CDH20: variants seen among roughly 807,000 people sequenced by gnomAD.
The protein encoded by CDH20 is cadherin 20.
A neutral mutation model predicts 74.2 loss-of-function variants in CDH20; 29 were observed. The ratio of observed to expected loss-of-function variants is 0.39; its 90% CI spans 0.29 to 0.53. CDH20 has a LOEUF of 0.53. CDH20 is among the 20% of genes least tolerant of loss of function. The pLI is 0.69. For missense variants in CDH20, 988 were observed against 1,048.3 expected, an observed-to-expected ratio of 0.94 and a Z score of 0.79; for synonymous variants, 469 against 405.4, an observed-to-expected ratio of 1.16 and a Z score of -1.88.
At chr18:61,381,674 T>C (rs1911436977) in intron 1 of CDH20, among the ~76,000 whole-genome samples, 1 of 152,204 alleles carries the variant, frequency 6.6e-6, no homozygotes, top group African/African-American at 2.4e-5. Context: ...ATGTCTGATA[T>C]ACAAGACAAT....
intron 1 of CDH20, among the ~76,000 whole-genome samples, chr18:61,361,738 T>A (rs1337851453): frequency 2.6e-5 from 4 of 152,212 alleles, no homozygotes; most frequent in African/African-American, 7.2e-5. Flanking sequence ...AAACTGTGGC[T>A]TATTTAAAAT....
At chr18:61,359,952 T>A (rs1205889842) in intron 1 of CDH20, among the ~76,000 whole-genome samples, 1 of 152,170 alleles carries the variant, frequency 6.6e-6, no homozygotes, top group Non-Finnish European at 1.5e-5. Flanking sequence ...ACTCTTCCAG[T>A]CAATTACAGA....
chr18:61,428,899 C>T (rs933459623), intron 1 of CDH20, among the ~76,000 whole-genome samples: 15 of 152,252 alleles, frequency 9.9e-5, no homozygotes, highest in African/African-American at 2.9e-4. Flanking sequence ...GCTAGAACAC[C>T]TATTCAAGAA....
At position 61,517,707 on chromosome 18, in the gene CDH20, G is replaced by GTTGTTGTT. The variant is rs770036463; in HGVS notation, c.1017+10152_1017+10153insGTTTTGTT. ...AGCTGCAGTTTTTTTTGTTGTTGTT[G>GTTGTTGTT]TTGTTTTGTTTTGTTTTGTTTTGTT... On this transcript the variant is annotated intron_variant, in intron 6 of 11. Coordinates refer to ENST00000262717, the MANE Select transcript of CDH20 (RefSeq NM_031891.4). Among the ~76,000 whole-genome samples, 753 of 151,752 alleles carry GTTGTTGTT rather than the reference G, an allele frequency of 5.0e-3. 4 individuals are homozygous for GTTGTTGTT. The highest frequency in any genetic ancestry group is 6.8e-3 in the Middle Eastern group (2 of 294).
intron 1 of CDH20, among the ~76,000 whole-genome samples, chr18:61,420,129 A>G (rs1912825140): frequency 6.6e-6 from 1 of 152,208 alleles, no homozygotes; most frequent in Non-Finnish European, 1.5e-5. Flanking sequence ...GTTTACATTA[A>G]CTACTGAAAC....
chr18:61,398,529 T>C (rs1050587843), intron 1 of CDH20, among the ~76,000 whole-genome samples: 5 of 152,168 alleles, frequency 3.3e-5, no homozygotes, highest in African/African-American at 1.2e-4. Context: ...CATATTGACA[T>C]CTTATTTTCA....
intron 1 of CDH20, among the ~76,000 whole-genome samples, chr18:61,467,196 T>A (rs1343861277): frequency 6.6e-6 from 1 of 152,196 alleles, no homozygotes; most frequent in Non-Finnish European, 1.5e-5. Flanking sequence ...ATTGCCATGA[T>A]ATCCCCTCAG....
intron 6 of CDH20, among the ~76,000 whole-genome samples, chr18:61,522,384 A>G (rs1192971538): frequency 6.6e-6 from 1 of 152,202 alleles, no homozygotes; most frequent in Non-Finnish European, 1.5e-5. Flanking sequence ...CTTCAAGGAG[A>G]ACTGCAAACC....
chr18:61,449,490 C>T (rs896317061), intron 1 of CDH20, among the ~76,000 whole-genome samples: 7 of 152,000 alleles, frequency 4.6e-5, no homozygotes, highest in African/African-American at 1.7e-4. Flanking sequence ...CATTAATAGA[C>T]CAGGCAGCAT....
In CDH20 at chr18:61,528,359, G is replaced by T. The variant is rs1341124779; in HGVS notation, c.1271+139G>T. On this transcript the variant is annotated intron_variant, in intron 7 of 11. Coordinates refer to ENST00000262717, the MANE Select transcript of CDH20 (RefSeq NM_031891.4). Reference sequence around the variant, plus strand: ...CTCTCCTCTTTGAGTTTTTTGTGTTGTTTTTTTTTTTTTCCCTTAAATAAC... The same window carrying T: ...CTCTCCTCTTTGAGTTTTTTGTGTTTTTTTTTTTTTTTTCCCTTAAATAAC... 1,665 of 620,428 alleles carry T rather than the reference G, an allele frequency of 2.7e-3. 2 individuals are homozygous for T. Among genetic ancestry groups the T allele is most frequent in the South Asian group, 5.7e-3 (241 of 42,272 alleles). 38.4% of individuals were successfully genotyped at this position (620,428 alleles called of 1,614,324 possible). A position where few individuals can be genotyped will look rare whatever the true frequency, so the allele number is the denominator to read the frequency against.
At chr18:61,417,625 G>T (rs933531340) in intron 1 of CDH20, among the ~76,000 whole-genome samples, 18 of 140,950 alleles carry the variant, frequency 1.3e-4, no homozygotes, top group African/African-American at 5.1e-4. Context: ...TGGAGATAGG[G>T]AGTAGAATAA....
chr18:61,433,533 G>A lies in CDH20; in HGVS notation c.-152-56869G>A, dbSNP rs186218466. On this transcript the variant is annotated intron_variant, in intron 1 of 11. Coordinates refer to ENST00000262717, the MANE Select transcript of CDH20 (RefSeq NM_031891.4). The stretch of plus-strand genomic sequence containing the variant: ...AGTCTCACACGTGAAAATGTGTGGG[G>A]CCACTTCAAAGTAGAAACATGAGGC... Among the ~76,000 whole-genome samples the A allele has an allele frequency of 9.9e-5, 15 of 152,192 alleles. 1 individual carries two copies. Among genetic ancestry groups the A allele is most frequent in the Admixed American group, 3.3e-4 (5 of 15,282 alleles).
intron 1 of CDH20, among the ~76,000 whole-genome samples, chr18:61,381,256 G>A (rs1599047728): frequency 6.6e-6 from 1 of 152,176 alleles, no homozygotes; most frequent in South Asian, 2.1e-4. Flanking sequence ...TTATAAGTAA[G>A]ACATTATTTT....
At chr18:61,394,580 C>A (rs1209397798) in intron 1 of CDH20, among the ~76,000 whole-genome samples, 1 of 152,144 alleles carries the variant, frequency 6.6e-6, no homozygotes, top group Non-Finnish European at 1.5e-5. Flanking sequence ...ACCAACCCTG[C>A]AAACACCTTG....
At chr18:61,363,496 C>A (rs1910765528) in intron 1 of CDH20, among the ~76,000 whole-genome samples, 1 of 152,054 alleles carries the variant, frequency 6.6e-6, no homozygotes, top group Admixed American at 6.6e-5. Context: ...TAAGAGACGT[C>A]AAGAAAATTA....
At chr18:61,412,373 G>A (rs1912542037) in intron 1 of CDH20, among the ~76,000 whole-genome samples, 1 of 152,124 alleles carries the variant, frequency 6.6e-6, no homozygotes, top group Non-Finnish European at 1.5e-5. Context: ...TCACACTGCT[G>A]TTGAGGGTGT....
intron 1 of CDH20, among the ~76,000 whole-genome samples, chr18:61,371,465 C>T (rs1911036441): frequency 6.6e-6 from 1 of 151,920 alleles, no homozygotes; most frequent in African/African-American, 2.4e-5. Flanking sequence ...GGCCGGACTC[C>T]AGAAAATGAG....
At chr18:61,543,475 C>G (rs1271060777) in intron 9 of CDH20, among the ~76,000 whole-genome samples, 1 of 152,198 alleles carries the variant, frequency 6.6e-6, no homozygotes, top group Non-Finnish European at 1.5e-5. Flanking sequence ...AGCTCCTGTT[C>G]CAGTCGTCTG....
chr18:61,375,089 TC>T (rs1201580654), intron 1 of CDH20, among the ~76,000 whole-genome samples: 1 of 152,044 alleles, frequency 6.6e-6, no homozygotes, highest in Admixed American at 6.6e-5. Context: ...TTAATTCCCA[TC>T]CCTATTCATC....
Sources: gnomAD v4.1 joint callset for allele counts (sites outside exome capture counted in the v4.1 genomes callset) on GRCh38, gnomAD v4.1.1 for gene constraint, MANE v1.5 for transcripts, NCBI Gene and HGNC (gene_info 2026-07-23, HGNC 2026-07-21) for gene names.